The following WDR88 variants were observed in gnomAD, a reference collection of about 807,000 sequenced individuals.
WDR88 encodes the protein WD repeat domain 88.
Under a neutral mutation model 46.8 loss-of-function variants are expected in WDR88, and 40 were observed. The observed-to-expected ratio is 0.86, with a 90% CI of 0.66 to 1.11. WDR88 has a LOEUF of 1.11. Among genes scored for constraint, WDR88 ranks in the 50% most tolerant of loss-of-function variants. The probability of loss-of-function intolerance (pLI) is 0.00; values close to 1 mark genes in which losing one functional copy is unlikely to be tolerated. For synonymous variants in WDR88, 235 were observed against 240.7 expected, an observed-to-expected ratio of 0.98 and a Z score of 0.22; for missense variants, 562 against 602.4, an observed-to-expected ratio of 0.93 and a Z score of 0.70.
At chr19:33,136,962 G>A (rs1369856344) in intron 1 of WDR88, among the ~76,000 whole-genome samples, 5 of 143,086 alleles carry the variant, frequency 3.5e-5, no homozygotes, top group African/African-American at 1.3e-4. Flanking sequence ...GCAGGGTCTT[G>A]CTCTGTCACC....
At chr19:33,134,635 C>A (rs189370669) in intron 1 of WDR88, among the ~76,000 whole-genome samples, 2,970 of 152,140 alleles carry the variant, frequency 0.02, 83 homozygotes, top group African/African-American at 0.068. Context: ...GGGACTGGGG[C>A]CGCTCCTGGG....
intron 9 of WDR88, among the ~76,000 whole-genome samples, chr19:33,165,679 G>A (rs1419093218): frequency 4.0e-5 from 6 of 151,850 alleles, no homozygotes. Flanking sequence ...GATCACCTGA[G>A]GTCAGGAGTC....
intron 10 of WDR88, chr19:33,174,483 T>C: frequency 1.0e-6 from 1 of 985,460 alleles, no homozygotes; most frequent in Non-Finnish European, 1.2e-6. Context: ...CCCATGGCAC[T>C]CTTGCTTGTT....
rs989884644 is a variant in WDR88, at chr19:33,174,337, G to C, written c.1243-1059G>C. On this transcript the variant is annotated intron_variant, in intron 10 of 10. Transcript: ENST00000355868. ...CTCTCCAGCAGGCCTCAGTGTCCTG[G>C]AGTGGGCAGAACAGCAAAGCCCAGG... is the stretch of plus-strand genomic sequence containing the variant. 99 of 1,491,352 alleles carry C rather than the reference G, an allele frequency of 6.6e-5. 1 individual carries two copies. In the South Asian group the frequency reaches 8.9e-4, roughly 13 times the overall value. The allele number at this position is 1,491,352 out of a possible 1,614,324, so 92.4% of individuals were successfully genotyped here.
intron 10 of WDR88, among the ~76,000 whole-genome samples, chr19:33,173,998 C>T (rs1974083029): frequency 6.6e-6 from 1 of 151,882 alleles, no homozygotes; most frequent in Non-Finnish European, 1.5e-5. Flanking sequence ...CTACAGGCGC[C>T]CACCACTACG....
At chr19:33,156,766 A>T (rs1046117931) in intron 7 of WDR88, among the ~76,000 whole-genome samples, 2 of 152,200 alleles carry the variant, frequency 1.3e-5, no homozygotes, top group African/African-American at 4.8e-5. Flanking sequence ...AAATTGATTA[A>T]TCCTGTAATG....
At chr19:33,174,311 C>CCT (rs1336670772) in intron 10 of WDR88, 2 of 1,522,210 alleles carry the variant, frequency 1.3e-6, no homozygotes, top group Non-Finnish European at 1.8e-6. Flanking sequence ...GGTTTACCCC[C>CCT]CTCTCCAGCA....
At chr19:33,134,665 C>G (rs984116441) in intron 1 of WDR88, among the ~76,000 whole-genome samples, 1 of 152,028 alleles carries the variant, frequency 6.6e-6, no homozygotes, top group Non-Finnish European at 1.5e-5. Context: ...CAACCCTGCA[C>G]GCGCGGCCCC....
At chr19:33,157,683 GTATGTATATATATATATATA>G (rs1233433494) in intron 7 of WDR88, among the ~76,000 whole-genome samples, 3 of 6,450 alleles carry the variant, frequency 4.7e-4, no homozygotes, top group Admixed American at 2.9e-3. Flanking sequence ...GTGTGTGTAT[GTATGTATATATATATATATA>G]TATATATATA....
intron 2 of WDR88, among the ~76,000 whole-genome samples, chr19:33,141,118 G>T (rs374790723): frequency 6.6e-6 from 1 of 150,696 alleles, no homozygotes. Context: ...TTTGTTTTTC[G>T]TAGAGACAGG....
rs757331966 is a variant in WDR88 at position 33,137,676 on chromosome 19, G to A, written c.277-1G>A. On this transcript the variant is annotated splice_acceptor_variant, in intron 1 of 10. Coordinates refer to ENST00000355868, the MANE Select transcript of WDR88 (RefSeq NM_173479.4). LOFTEE classifies it high-confidence loss of function. ...GCTCATCTGGTCTCTCCTTTTTTCA[G>A]ATCCCATTTAAAATTCTGAGTGGGC... The A allele has an allele frequency of 1.9e-6, 3 of 1,609,528 alleles. No individual in the cohort carries two copies. In the African/African-American group the frequency reaches 4.0e-5, roughly 22 times the overall value.
intron 10 of WDR88, among the ~76,000 whole-genome samples, chr19:33,175,158 C>T (rs1295189790): frequency 6.6e-6 from 1 of 152,184 alleles, no homozygotes; most frequent in African/African-American, 2.4e-5. Context: ...TTGCTTGAAC[C>T]TGGGAGGCGG....
chr19:33,163,604 G>A (rs1365975473), intron 8 of WDR88, among the ~76,000 whole-genome samples: 1 of 150,688 alleles, frequency 6.6e-6, no homozygotes, highest in Non-Finnish European at 1.5e-5. Flanking sequence ...TGTTGTTGAT[G>A]AAACCGAGGA....
intron 9 of WDR88, among the ~76,000 whole-genome samples, chr19:33,170,618 T>C (rs904809932): frequency 1.4e-4 from 21 of 152,100 alleles, no homozygotes; most frequent in African/African-American, 5.1e-4. Flanking sequence ...GCCAGCAATT[T>C]GGGAGGCTGA....
At chr19:33,136,037 C>T (rs1488151774) in intron 1 of WDR88, among the ~76,000 whole-genome samples, 2 of 151,104 alleles carry the variant, frequency 1.3e-5, no homozygotes, top group Non-Finnish European at 2.9e-5. Context: ...TTAGAGGTGC[C>T]CAACACCACA....
chr19:33,137,608 A>C (rs1260767779), intron 1 of WDR88, 69 bp from the exon 2 acceptor site: 1 of 1,348,144 alleles, frequency 7.4e-7, no homozygotes, highest in Non-Finnish European at 1.0e-6. Flanking sequence ...TTAGAAATAT[A>C]ATTAACTGTT....
chr19:33,137,255 ATT>A (rs71176200), intron 1 of WDR88, among the ~76,000 whole-genome samples: 26,857 of 136,850 alleles, frequency 0.2, 2,893 homozygotes, highest in South Asian at 0.41. Flanking sequence ...CCCAGCCAGA[ATT>A]TTTTTTTTTT....
At chr19:33,144,231 G>T (rs1407849243) in intron 2 of WDR88, among the ~76,000 whole-genome samples, 3 of 152,120 alleles carry the variant, frequency 2.0e-5, no homozygotes, top group African/African-American at 7.2e-5. Context: ...ACGGTGTCTC[G>T]CTCTGTCGCC....
intron 1 of WDR88, among the ~76,000 whole-genome samples, chr19:33,133,196 T>TAA (rs1215009794): frequency 0.21 from 12,861 of 60,614 alleles, 1,475 homozygotes; most frequent in African/African-American, 0.34. Context: ...AATAAATAAA[T>TAA]ATAGAGAGAG....
Sources: gnomAD v4.1 joint callset for allele counts (sites outside exome capture counted in the v4.1 genomes callset) on GRCh38, gnomAD v4.1.1 for gene constraint, MANE v1.5 for transcripts, NCBI Gene and HGNC (gene_info 2026-07-23, HGNC 2026-07-21) for gene names.